SLC25A48: variants seen among roughly 807,000 people sequenced by gnomAD.
SLC25A48 encodes the protein solute carrier family 25 member 48, also known as CTC-321K16.1.
In SLC25A48, 29 loss-of-function variants were observed where a neutral mutation model predicts 32.2. The ratio of observed to expected loss-of-function variants is 0.90; its 90% CI spans 0.67 to 1.23. The LOEUF is 1.23. SLC25A48 is among the 50% of genes most tolerant of loss of function. SLC25A48 has a pLI of 0.00. For synonymous variants in SLC25A48, 164 were observed against 172.3 expected (o/e 0.95, Z 0.38); for missense variants, 399 against 422.7 (o/e 0.94, Z 0.49).
At chr5:135,606,362 A>G (rs967437669) in intron 1 of SLC25A48, among the ~76,000 whole-genome samples, 13 of 152,250 alleles carry the variant, frequency 8.5e-5, no homozygotes, top group Admixed American at 7.2e-4. Context: ...ATTTTATTTT[A>G]AATAGTTGAG....
At chr5:135,665,340 G>A (rs369798491) in intron 3 of SLC25A48, among the ~76,000 whole-genome samples, 21 of 152,004 alleles carry the variant, frequency 1.4e-4, no homozygotes, top group African/African-American at 4.8e-4. Flanking sequence ...TGTTGGATGC[G>A]TAGTTGGCAA....
At position 135,602,599 on chromosome 5, in the gene SLC25A48, TTTTTTTTTTTCTTTC is replaced by T. The variant is rs1751824332; in HGVS notation, c.-849+23013_-849+23027del. Among the ~76,000 whole-genome samples, 13 of 38,838 alleles carry T rather than the reference TTTTTTTTTTTCTTTC, an allele frequency of 3.3e-4. No homozygotes were observed. The South Asian group carries it at 0.011, about 32-fold the overall frequency. The allele number at this position is 38,838 out of a possible 152,430, so 25.5% of individuals were successfully genotyped here. A position where few individuals can be genotyped will look rare whatever the true frequency, so the allele number is the denominator to read the frequency against. On this transcript the variant is annotated intron_variant, in intron 1 of 10. Coordinates refer to the SLC25A48 transcript ENST00000646290. Reference sequence around the variant, plus strand: ...CCATCAGTCCTTGCATGGAGTTTTCTTTTTTTTTTTCTTTCTTTTTTTTTTTTATTATACTTTAAG... The same window carrying T: ...CCATCAGTCCTTGCATGGAGTTTTCTTTTTTTTTTTTTATTATACTTTAAG...
intron 1 of SLC25A48, among the ~76,000 whole-genome samples, chr5:135,599,256 A>G (rs1751730510): frequency 6.6e-6 from 1 of 152,050 alleles, no homozygotes. Flanking sequence ...TTCCAAGCTT[A>G]TTCTCACCCA....
At chr5:135,824,278 A>C (rs1453798051) in intron 4 of SLC25A48, 1 of 152,290 alleles carries the variant, frequency 6.6e-6, no homozygotes, top group Non-Finnish European at 1.5e-5. Context: ...ACAGAGGAGA[A>C]CCACAGTCAG....
rs1296912542 is a variant in SLC25A48, at chr5:135,728,685, C to T, written c.-520-83838C>T. 2.0e-5 allele frequency among the ~76,000 whole-genome samples: 3 copies of T among 152,030 alleles called. No individual in the cohort carries two copies. The South Asian group carries it at 6.2e-4, about 32-fold the overall frequency. On this transcript the variant is annotated intron_variant, in intron 3 of 10. Coordinates refer to the SLC25A48 transcript ENST00000646290. ...ACTTATTTGAGTGAAATTGCTGGTG[C>T]CTTCTTGATTCTTCTGTTTTTCTGA...
At chr5:135,790,580 G>A (rs943721508) in intron 3 of SLC25A48, among the ~76,000 whole-genome samples, 2 of 151,984 alleles carry the variant, frequency 1.3e-5, no homozygotes, top group Non-Finnish European at 1.5e-5. Flanking sequence ...CACAGTGGGT[G>A]TACACCATAT....
chr5:135,605,000 G>C (rs1235433934), intron 1 of SLC25A48, among the ~76,000 whole-genome samples: 3 of 152,216 alleles, frequency 2.0e-5, no homozygotes, highest in African/African-American at 7.2e-5. Context: ...TAAGTGCTAT[G>C]TAGGTGTTCT....
chr5:135,839,698 C>T (rs1758830587), intron 1 of SLC25A48, among the ~76,000 whole-genome samples: 1 of 152,118 alleles, frequency 6.6e-6, no homozygotes, highest in Admixed American at 6.5e-5. Context: ...ACCCAAATCT[C>T]GTCTTGAATT....
chr5:135,649,876 A>C (rs1753065235), intron 3 of SLC25A48: 1 of 161,908 alleles, frequency 6.2e-6, no homozygotes. Flanking sequence ...TGGAATGGAC[A>C]TGCCCTAGAT....
chr5:135,588,451 G>A (rs1313465154), intron 1 of SLC25A48, among the ~76,000 whole-genome samples: 2 of 152,222 alleles, frequency 1.3e-5, no homozygotes, highest in African/African-American at 4.8e-5. Flanking sequence ...CCTGCTCTGT[G>A]CCGGGGTTGC....
intron 3 of SLC25A48, among the ~76,000 whole-genome samples, chr5:135,759,093 C>A (rs1755999106): frequency 6.6e-6 from 1 of 151,406 alleles, no homozygotes; most frequent in Non-Finnish European, 1.5e-5. Context: ...TGTTAACACA[C>A]AATAATATTA....
At chr5:135,763,571 A>G (rs1382728301) in intron 3 of SLC25A48, among the ~76,000 whole-genome samples, 2 of 152,070 alleles carry the variant, frequency 1.3e-5, no homozygotes, top group African/African-American at 4.8e-5. Context: ...GAATCCCTCG[A>G]GGAGGGGAAG....
chr5:135,773,930 T>G (rs1756481160), intron 3 of SLC25A48, among the ~76,000 whole-genome samples: 1 of 151,714 alleles, frequency 6.6e-6, no homozygotes. Context: ...AAGAAGATAT[T>G]ACTCCCAATA....
chr5:135,852,577 C>G lies in SLC25A48; in HGVS notation c.177C>G (p.Phe59Leu), dbSNP rs778442010. 1.3e-6 allele frequency: 2 copies of G among 1,595,864 alleles called. No individual in the cohort carries two copies. Among genetic ancestry groups the G allele is most frequent in the Non-Finnish European group, 1.7e-6 (2 of 1,164,982 alleles). Residue 59 changes from phenylalanine (F) to leucine (L), a missense_variant, in exon 4 of 8, where the codon TTC (phenylalanine) becomes TTG (leucine). By Grantham distance (22) the Phe-to-Leu change is conservative. Coordinates refer to ENST00000681962, the MANE Select transcript of SLC25A48 (RefSeq NM_001349336.2). ...TTTCACTGCAGATGTTCGGCTTCTT[C>G]AAGGGCATGTCCTTCCCCCTCGCCA... Reference protein sequence around the residue: ...VYRRESMFGFFKGMSFPLASI... With the variant: ...VYRRESMFGFLKGMSFPLASI...
At chr5:135,650,567 AAAC>A (rs55633013) in intron 3 of SLC25A48, 1 of 314,612 alleles carries the variant, frequency 3.2e-6, no homozygotes, top group African/African-American at 2.3e-5. Context: ...ACTAAAAAAA[AAAC>A]AACAACAGAA....
chr5:135,800,946 G>A (rs1428489161), intron 3 of SLC25A48, among the ~76,000 whole-genome samples: 2 of 151,186 alleles, frequency 1.3e-5, no homozygotes, highest in African/African-American at 4.9e-5. Context: ...ACTCAGGGGA[G>A]GAGAGGGTTA....
intron 3 of SLC25A48, among the ~76,000 whole-genome samples, chr5:135,728,796 C>A (rs1670802163): frequency 6.6e-6 from 1 of 151,018 alleles, no homozygotes; most frequent in African/African-American, 2.4e-5. Flanking sequence ...TTGCCTTTCA[C>A]CTCAGTTTCA....
intron 4 of SLC25A48, among the ~76,000 whole-genome samples, chr5:135,854,587 A>G (rs1343918566): frequency 6.6e-6 from 1 of 152,208 alleles, no homozygotes; most frequent in African/African-American, 2.4e-5. Flanking sequence ...CCTTCAGAGA[A>G]TTGAGGAGAG....
chr5:135,601,531 G>A (rs1358690764), intron 1 of SLC25A48, among the ~76,000 whole-genome samples: 3 of 152,188 alleles, frequency 2.0e-5, no homozygotes, highest in Non-Finnish European at 2.9e-5. Context: ...AGGAGAAAGT[G>A]TCACTCTCCC....
Sources: allele counts gnomAD v4.1 joint callset (sites outside exome capture counted in the v4.1 genomes callset), GRCh38; gene constraint gnomAD v4.1.1; transcripts MANE v1.5; gene names NCBI Gene and HGNC (gene_info 2026-07-23, HGNC 2026-07-21).